Variants in ANK3 observed in about 807,000 individuals in gnomAD.
ANK3 encodes the protein ankyrin-3.
A neutral mutation model predicts 370.9 loss-of-function variants in ANK3; 57 were observed. That is an observed-to-expected ratio of 0.15 (90% CI 0.12 to 0.19). The LOEUF (loss-of-function observed/expected upper bound fraction) is 0.19. Ranked by LOEUF, ANK3 falls within the 10% of genes least tolerant of loss-of-function variation. The pLI is 1.00. For missense variants in ANK3, 4,439 were observed against 5,302.1 expected, an observed-to-expected ratio of 0.84 and a Z score of 5.06; for synonymous variants, 1,929 against 1,946.3, an observed-to-expected ratio of 0.99 and a Z score of 0.23.
intron 2 of ANK3, among the ~76,000 whole-genome samples, chr10:60,565,769 C>T (rs889291434): frequency 6.6e-6 from 1 of 152,186 alleles, no homozygotes; most frequent in African/African-American, 2.4e-5. Flanking sequence ...TGTAAGCATG[C>T]CTTTGACTAT....
intron 1 of ANK3, among the ~76,000 whole-genome samples, chr10:60,708,645 G>C (rs1449494479): frequency 2.0e-5 from 3 of 152,136 alleles, no homozygotes; most frequent in Non-Finnish European, 4.4e-5. Context: ...TAACTGACTT[G>C]GGATTTACCA....
At chr10:60,321,356 C>CAA (rs200588753) in intron 1 of ANK3, among the ~76,000 whole-genome samples, 1 of 132,938 alleles carries the variant, frequency 7.5e-6, no homozygotes, top group African/African-American at 2.8e-5. Context: ...GACCCTATCT[C>CAA]AAAAAAAACA....
intron 1 of ANK3, among the ~76,000 whole-genome samples, chr10:60,632,614 T>G (rs1007651477): frequency 2.6e-5 from 4 of 152,006 alleles, no homozygotes; most frequent in African/African-American, 4.8e-5. Context: ...TAGCTGGGCA[T>G]GGTGGTTCAT....
chr10:60,412,288 G>T (rs775781731), intron 2 of ANK3, among the ~76,000 whole-genome samples: 2 of 152,016 alleles, frequency 1.3e-5, no homozygotes, highest in African/African-American at 2.4e-5. Context: ...AATGTGGATG[G>T]GCCTCATCCA....
intron 38 of ANK3, among the ~76,000 whole-genome samples, chr10:60,065,639 A>C (rs905931825): frequency 6.6e-6 from 1 of 152,228 alleles, no homozygotes; most frequent in African/African-American, 2.4e-5. Context: ...AATTTAAGGC[A>C]GTGGCTTGCA....
intron 17 of ANK3, among the ~76,000 whole-genome samples, chr10:60,184,334 A>C (rs1463228216): frequency 6.6e-6 from 1 of 152,176 alleles, no homozygotes; most frequent in East Asian, 1.9e-4. Flanking sequence ...AATAATAAAA[A>C]GTTTTGCTGC....
At chr10:60,664,196 G>A (rs534170966) in intron 1 of ANK3, among the ~76,000 whole-genome samples, 29 of 152,296 alleles carry the variant, frequency 1.9e-4, no homozygotes, top group African/African-American at 7.0e-4. Context: ...TAGATGGTTC[G>A]GATGAATAAA....
At chr10:60,277,387 T>G (rs1284695020) in intron 4 of ANK3, among the ~76,000 whole-genome samples, 1 of 152,226 alleles carries the variant, frequency 6.6e-6, no homozygotes, top group African/African-American at 2.4e-5. Flanking sequence ...AATAGGCTTA[T>G]ATGATTTAAT....
intron 4 of ANK3, 112 bp downstream of exon 4, chr10:60,278,662 G>A (rs1013993259): frequency 4.6e-6 from 4 of 873,934 alleles, no homozygotes; most frequent in Non-Finnish European, 7.4e-6. Context: ...TTTAAATATA[G>A]TTCTTAAGTA....
intron 40 of ANK3, among the ~76,000 whole-genome samples, chr10:60,061,291 C>T (rs934432558): frequency 2.0e-5 from 3 of 152,060 alleles, no homozygotes; most frequent in Non-Finnish European, 4.4e-5. Context: ...TTCTAAATTT[C>T]CCTAAGAAAT....
At chr10:60,272,497 T>C (rs1383059903) in intron 4 of ANK3, among the ~76,000 whole-genome samples, 2 of 151,532 alleles carry the variant, frequency 1.3e-5, no homozygotes, top group Non-Finnish European at 2.9e-5. Flanking sequence ...TTTTTTTTGT[T>C]GAGACAGAGT....
At chr10:60,423,355 A>G (rs2063816597) in intron 2 of ANK3, among the ~76,000 whole-genome samples, 1 of 152,022 alleles carries the variant, frequency 6.6e-6, no homozygotes, top group Non-Finnish European at 1.5e-5. Context: ...TCTGAGTCAA[A>G]AAGTCTTAAT....
chr10:60,654,633 T>A (rs1221919345), intron 1 of ANK3, among the ~76,000 whole-genome samples: 1 of 152,206 alleles, frequency 6.6e-6, no homozygotes, highest in East Asian at 1.9e-4. Flanking sequence ...CTGAAATAAA[T>A]CCTACATGGT....
chr10:60,235,622 A>G (rs1300762172), intron 7 of ANK3, among the ~76,000 whole-genome samples: 2 of 144,784 alleles, frequency 1.4e-5, no homozygotes, highest in African/African-American at 5.2e-5. Flanking sequence ...GCTGGTCTCA[A>G]ATTCCCGAGC....
chr10:60,551,600 G>T (rs1567138976), intron 2 of ANK3, among the ~76,000 whole-genome samples: 2 of 152,076 alleles, frequency 1.3e-5, no homozygotes, highest in East Asian at 3.9e-4. Context: ...TCACATGTAA[G>T]ATGCTATTGC....
chr10:60,349,038 C>G (rs567213409), intron 1 of ANK3, among the ~76,000 whole-genome samples: 1 of 151,202 alleles, frequency 6.6e-6, no homozygotes, highest in Non-Finnish European at 1.5e-5. Context: ...AAGCCCTGCT[C>G]CAAGGGTGAG....
intron 25 of ANK3, among the ~76,000 whole-genome samples, chr10:60,116,683 C>A (rs2093115313): frequency 6.7e-6 from 1 of 149,996 alleles, no homozygotes; most frequent in Non-Finnish European, 1.5e-5. Flanking sequence ...AAATTTTTAA[C>A]TCTAGAAAAT....
At chr10:60,411,029 C>T (rs539326087) in intron 2 of ANK3, among the ~76,000 whole-genome samples, 2 of 152,248 alleles carry the variant, frequency 1.3e-5, no homozygotes, top group Non-Finnish European at 2.9e-5. Flanking sequence ...GCTTTTGACC[C>T]AGCTACCAAG....
Position 60,075,227 on chromosome 10 carries a change from G to C in ANK3, c.5654C>G (p.Ser1885Cys), listed in dbSNP as rs1174191061. ...AGATGGTGTAGACAACTTAAGGGCAGAGGGTGCAAGGAACAAAGATGACTT... is the reference window on the plus strand; with the variant it reads ...AGATGGTGTAGACAACTTAAGGGCACAGGGTGCAAGGAACAAAGATGACTT... ...PVKSSLFLAP[S>C]ALKLSTPSSL... Residue 1885 changes from serine (S) to cysteine (C), a missense_variant, in exon 37 of 44, where the codon TCT (serine) becomes TGT (cysteine). Ser to Cys is a moderately radical substitution (Grantham distance 112). Coordinates refer to ENST00000280772, the MANE Select transcript of ANK3 (RefSeq NM_020987.5). The C allele has an allele frequency of 3.7e-6, 6 of 1,614,040 alleles. No individual in the cohort carries two copies. The highest frequency in any genetic ancestry group is 5.1e-6 in the Non-Finnish European group (6 of 1,180,022).
Sources: allele counts gnomAD v4.1 joint callset (sites outside exome capture counted in the v4.1 genomes callset), GRCh38; gene constraint gnomAD v4.1.1; transcripts MANE v1.5; gene names NCBI Gene and HGNC (gene_info 2026-07-23, HGNC 2026-07-21).